The following CDH4 variants were observed in gnomAD, a reference collection of about 807,000 sequenced individuals.
CDH4 encodes the protein cadherin 4.
In CDH4, 33 loss-of-function variants were observed where a neutral mutation model predicts 86.0. That is an observed-to-expected ratio of 0.38 (90% CI 0.29 to 0.51). The LOEUF (loss-of-function observed/expected upper bound fraction) is 0.51. CDH4 is among the 20% of genes least tolerant of loss of function. CDH4 has a pLI of 0.86. For synonymous variants in CDH4, 555 were observed against 549.4 expected (o/e 1.01, Z -0.14); for missense variants, 1,114 against 1,307.4 (o/e 0.85, Z 2.28).
At chr20:61,293,350 G>T (rs2427037) in intron 2 of CDH4, among the ~76,000 whole-genome samples, 48,749 of 151,890 alleles carry the variant, frequency 0.32, 8,105 homozygotes, top group Middle Eastern at 0.37. Flanking sequence ...CAGAGTGAGG[G>T]TTAGTGCACA....
rs1555809027 is a variant in CDH4 at position 61,565,100 on chromosome 20, G to GCTGGTC, written c.170-178461_170-178460insGGTCCT. ...TGGTGGTGGTGGTGCTCTTGGTGGT[G>GCTGGTC]CTCTTGGTGGTGCTGGTGCTCTTGG... On this transcript the variant is annotated intron_variant, in intron 2 of 15. Coordinates refer to ENST00000614565, the MANE Select transcript of CDH4 (RefSeq NM_001794.5). Among the ~76,000 whole-genome samples the GCTGGTC allele has an allele frequency of 4.1e-4, 48 of 116,978 alleles. 3 individuals are homozygous for GCTGGTC. The highest frequency in any genetic ancestry group is 1.8e-3 in the South Asian group (6 of 3,304). 76.7% of individuals were successfully genotyped at this position (116,978 alleles called of 152,430 possible).
At chr20:61,430,848 C>A (rs2085242400) in intron 2 of CDH4, among the ~76,000 whole-genome samples, 1 of 152,238 alleles carries the variant, frequency 6.6e-6, no homozygotes, top group Non-Finnish European at 1.5e-5. Context: ...GTATTCTTTA[C>A]TTCCTACTGG....
chr20:61,598,530 C>T (rs369521652), intron 2 of CDH4, among the ~76,000 whole-genome samples: 11 of 152,264 alleles, frequency 7.2e-5, no homozygotes, highest in African/African-American at 2.4e-4. Context: ...ACCTGAGTGG[C>T]CGAAACAGGG....
chr20:61,425,295 G>A (rs553748738), intron 2 of CDH4, among the ~76,000 whole-genome samples: 6 of 152,268 alleles, frequency 3.9e-5, no homozygotes, highest in Admixed American at 3.3e-4. Context: ...GGCCAGGACC[G>A]GAGAGCAGTG....
chr20:61,929,417 C>T lies in CDH4; in HGVS notation c.2006-192C>T, dbSNP rs145252318. Among the ~76,000 whole-genome samples the T allele has an allele frequency of 1.9e-3, 292 of 152,314 alleles. 1 individual carries two copies. The highest frequency in any genetic ancestry group is 6.4e-3 in the African/African-American group (268 of 41,554). On this transcript the variant is annotated intron_variant, in intron 12 of 15. Coordinates refer to ENST00000614565, the MANE Select transcript of CDH4 (RefSeq NM_001794.5). ...CCTCCCAAAGTGCTGGGATTACAAG[C>T]GTGAGCCACCACACCCAACCTCCAA...
chr20:61,540,111 A>G (rs111604838), intron 2 of CDH4, among the ~76,000 whole-genome samples: 4 of 152,246 alleles, frequency 2.6e-5, no homozygotes, highest in African/African-American at 9.6e-5. Flanking sequence ...GGGTGCATGC[A>G]CCGTAGCTCT....
intron 5 of CDH4, among the ~76,000 whole-genome samples, chr20:61,847,503 C>T (rs886337552): frequency 9.9e-5 from 15 of 152,240 alleles, no homozygotes; most frequent in East Asian, 3.8e-4. Flanking sequence ...AGGAATCCAG[C>T]GCCCCCACCA....
At chr20:61,642,337 G>A (rs545425614) in intron 2 of CDH4, among the ~76,000 whole-genome samples, 1 of 152,140 alleles carries the variant, frequency 6.6e-6, no homozygotes, top group South Asian at 2.1e-4. Context: ...TGGCAGAGGG[G>A]TGTGGAATGG....
chr20:61,542,958 C>A (rs1449750505), intron 2 of CDH4, among the ~76,000 whole-genome samples: 1 of 152,240 alleles, frequency 6.6e-6, no homozygotes, highest in Admixed American at 6.5e-5. Context: ...GGCCTGAGCA[C>A]CCCTGGCAAA....
intron 2 of CDH4, among the ~76,000 whole-genome samples, chr20:61,336,315 A>G (rs559823195): frequency 6.6e-6 from 1 of 152,272 alleles, no homozygotes; most frequent in Non-Finnish European, 1.5e-5. Context: ...ATGCACTGTG[A>G]CTAACACATA....
At chr20:61,599,864 C>T in intron 2 of CDH4, 1 of 985,618 alleles carries the variant, frequency 1.0e-6, no homozygotes. Context: ...CCGCACACAA[C>T]ACAGGAGCAA....
intron 2 of CDH4, among the ~76,000 whole-genome samples, chr20:61,428,138 T>G (rs1220525446): frequency 6.6e-6 from 1 of 152,186 alleles, no homozygotes; most frequent in African/African-American, 2.4e-5. Context: ...GAATTCCTTC[T>G]GCTTCTGGGA....
At chr20:61,762,531 G>C (rs553925496) in intron 3 of CDH4, among the ~76,000 whole-genome samples, 1 of 152,178 alleles carries the variant, frequency 6.6e-6, no homozygotes, top group East Asian at 1.9e-4. Context: ...TTCCCAGCTC[G>C]GGGCTGTTGC....
chr20:61,287,633 G>A (rs2427029), intron 2 of CDH4, among the ~76,000 whole-genome samples: 61,259 of 151,980 alleles, frequency 0.4, 12,792 homozygotes, highest in African/African-American at 0.51. Flanking sequence ...GGACCGTCAC[G>A]GGCATGCATC....
At chr20:61,302,390 C>T (rs1045413841) in intron 2 of CDH4, among the ~76,000 whole-genome samples, 2 of 152,214 alleles carry the variant, frequency 1.3e-5, no homozygotes, top group African/African-American at 4.8e-5. Flanking sequence ...ATTAAACCAG[C>T]CAAAGTGATG....
chr20:61,803,631 G>A (rs1172603361), intron 4 of CDH4, among the ~76,000 whole-genome samples: 1 of 152,254 alleles, frequency 6.6e-6, no homozygotes, highest in East Asian at 1.9e-4. Context: ...TCTTGAGGCT[G>A]CGGGATTCCA....
At chr20:61,910,038 C>T (rs1453679185) in intron 8 of CDH4, among the ~76,000 whole-genome samples, 1 of 152,250 alleles carries the variant, frequency 6.6e-6, no homozygotes, top group Non-Finnish European at 1.5e-5. Context: ...TGCTATGAGG[C>T]GTGCACTCCC....
intron 2 of CDH4, among the ~76,000 whole-genome samples, chr20:61,376,018 C>CTTGATGCTGGTGATGGTATTGGTGATGG (rs1568819363): frequency 1.1e-4 from 2 of 17,398 alleles, no homozygotes; most frequent in African/African-American, 2.3e-4. Context: ...GGTGGTGATA[C>CTTGATGCTGGTGATGGTATTGGTGATGG]TGTGGTTTGT....
In CDH4 at chr20:61,692,115, ATGTGTGTGTCTGTG is replaced by A. The variant is rs2087662511; in HGVS notation, c.170-51442_170-51429del. On this transcript the variant is annotated intron_variant, in intron 2 of 15. Transcript: ENST00000614565. ...TGTATGTGTGTGTCTGTGTGTATGC[ATGTGTGTGTCTGTG>A]TGTGTCTGTATGTATGTGTGTATGT... Among the ~76,000 whole-genome samples the A allele has an allele frequency of 4.0e-5, 6 of 149,396 alleles. No homozygotes were observed. In the South Asian group the frequency reaches 1.3e-3, roughly 31 times the overall value.
Sources: gnomAD v4.1 joint callset for allele counts (sites outside exome capture counted in the v4.1 genomes callset) on GRCh38, gnomAD v4.1.1 for gene constraint, MANE v1.5 for transcripts, NCBI Gene and HGNC (gene_info 2026-07-23, HGNC 2026-07-21) for gene names.